TMEM178B: variants seen among roughly 807,000 people sequenced by gnomAD.
TMEM178B encodes the protein transmembrane protein 178B.
TMEM178B carries 5 observed loss-of-function variants against 31.0 expected under a neutral mutation model. The observed-to-expected ratio is 0.16, with a 90% CI of 0.08 to 0.34. The LOEUF (loss-of-function observed/expected upper bound fraction) is 0.34, where lower values mean the gene tolerates loss of function less well. Ranked by LOEUF, TMEM178B falls within the 10% of genes least tolerant of loss-of-function variation. The pLI, the probability that TMEM178B is intolerant of heterozygous loss-of-function variation, is 1.00. For missense variants in TMEM178B, 275 were observed against 400.3 expected (o/e 0.69, Z 2.67); for synonymous variants, 164 against 164.0 (o/e 1.00, Z 0.00).
At chr7:141,470,425 A>T in intron 3 of TMEM178B, 111 bp from the exon 4 acceptor site, 21 of 1,174,796 alleles carry the variant, frequency 1.8e-5, no homozygotes, top group Non-Finnish European at 2.3e-5. Flanking sequence ...CATTTTTCCT[A>T]CTCAAGAAAA....
intron 2 of TMEM178B, among the ~76,000 whole-genome samples, chr7:141,347,512 G>A (rs915580442): frequency 5.9e-5 from 9 of 152,058 alleles, no homozygotes; most frequent in Admixed American, 1.3e-4. Context: ...ATTGGCTGGC[G>A]TTTAGGAGCC....
chr7:141,320,323 G>A (rs905696442), intron 2 of TMEM178B, among the ~76,000 whole-genome samples: 3 of 152,062 alleles, frequency 2.0e-5, no homozygotes, highest in African/African-American at 7.2e-5. Flanking sequence ...TATATTAAGG[G>A]GCTCAGCACA....
chr7:141,100,445 A>C (rs1298546895), intron 1 of TMEM178B, among the ~76,000 whole-genome samples: 1 of 152,128 alleles, frequency 6.6e-6, no homozygotes, highest in Non-Finnish European at 1.5e-5. Flanking sequence ...TTCTATAACC[A>C]GCTTGGAGTA....
At chr7:141,245,541 AAGAAG>A (rs1797716523) in intron 2 of TMEM178B, among the ~76,000 whole-genome samples, 3 of 152,356 alleles carry the variant, frequency 2.0e-5, no homozygotes, top group Admixed American at 2.0e-4. Flanking sequence ...AGTTTACAGC[AAGAAG>A]AGAAATCACC....
chr7:141,312,944 A>G (rs1266097799), intron 2 of TMEM178B, among the ~76,000 whole-genome samples: 2 of 152,190 alleles, frequency 1.3e-5, no homozygotes, highest in African/African-American at 4.8e-5. Context: ...TAAATAACAG[A>G]TGTCCAAATT....
rs139310506 is a variant in TMEM178B at position 141,152,286 on chromosome 7, C to T, written c.383-60305C>T. Reference sequence around the variant, plus strand: ...GCAGCCGGGCTTTTCGGCCTCCAGCCCAGCGTGGGTTGCTCTCTGCAGGGA... The same window carrying T: ...GCAGCCGGGCTTTTCGGCCTCCAGCTCAGCGTGGGTTGCTCTCTGCAGGGA... On this transcript the variant is annotated intron_variant, in intron 1 of 3. Transcript: ENST00000565468. 1.9e-3 allele frequency among the ~76,000 whole-genome samples: 287 copies of T among 152,266 alleles called. 4 individuals are homozygous for T. The highest frequency in any genetic ancestry group is 6.5e-3 in the African/African-American group (271 of 41,554).
intron 2 of TMEM178B, among the ~76,000 whole-genome samples, chr7:141,227,705 A>T (rs1797368850): frequency 6.6e-6 from 1 of 152,036 alleles, no homozygotes. Context: ...TCTGGACTAG[A>T]CTCTCAGCAG....
At chr7:141,115,088 G>A (rs1795296613) in intron 1 of TMEM178B, among the ~76,000 whole-genome samples, 1 of 152,120 alleles carries the variant, frequency 6.6e-6, no homozygotes, top group Non-Finnish European at 1.5e-5. Context: ...TGTCACCCAG[G>A]CTGGAATGCA....
In TMEM178B at chr7:141,191,147, A is replaced by G. The variant is rs565083289; in HGVS notation, c.383-21444A>G. Among the ~76,000 whole-genome samples the G allele has an allele frequency of 4.6e-5, 7 of 152,232 alleles. No individual in the cohort carries two copies. The South Asian group carries it at 1.5e-3, about 32-fold the overall frequency. The stretch of plus-strand genomic sequence containing the variant: ...TTATCGTATATATTACACCTTGCTT[A>G]TTTTCATTTAGTTTATCTGGTAAGG... On this transcript the variant is annotated intron_variant, in intron 1 of 3. Transcript: ENST00000565468.
chr7:141,081,806 A>G (rs1281070783), intron 1 of TMEM178B, among the ~76,000 whole-genome samples: 2 of 152,222 alleles, frequency 1.3e-5, no homozygotes, highest in Non-Finnish European at 2.9e-5. Context: ...TATAAGGTCT[A>G]CAGTAGTGTA....
downstream of TMEM178B, among the ~76,000 whole-genome samples, chr7:141,484,328 G>A (rs918350180): frequency 6.6e-6 from 1 of 152,160 alleles, no homozygotes; most frequent in African/African-American, 2.4e-5. This position sits in a 1 kb window ranked among gnomAD's most constrained non-coding sequence, Gnocchi z 4.8. Flanking sequence ...TGATAGAAAT[G>A]TTCTAGAACC....
intron 2 of TMEM178B, among the ~76,000 whole-genome samples, chr7:141,348,830 G>GA (rs1228892111): frequency 6.6e-6 from 1 of 152,144 alleles, no homozygotes; most frequent in Admixed American, 6.5e-5. Flanking sequence ...CTAGGTTACA[G>GA]AAAAAATCAG....
At chr7:141,379,424 G>A (rs77813291) in intron 2 of TMEM178B, among the ~76,000 whole-genome samples, 8 of 152,140 alleles carry the variant, frequency 5.3e-5, no homozygotes, top group African/African-American at 1.2e-4. Context: ...GGCCGAAGCC[G>A]CAGTGAGCCA....
At chr7:141,435,114 C>T (rs1801509710) in intron 2 of TMEM178B, among the ~76,000 whole-genome samples, 3 of 151,828 alleles carry the variant, frequency 2.0e-5, no homozygotes. Flanking sequence ...ACAAAGGCAG[C>T]AACATACACT....
chr7:141,380,665 G>A lies in TMEM178B; in HGVS notation c.497-56943G>A, dbSNP rs28547288. Among the ~76,000 whole-genome samples, 26 of 152,224 alleles carry A rather than the reference G, an allele frequency of 1.7e-4. No homozygotes were observed. In the East Asian group the frequency reaches 4.8e-3, roughly 28 times the overall value. Reference sequence around the variant, plus strand: ...TGTTGTTATTTATATGTGTGTATGTGTTTGTTTTGGGGAGTATTCTGTGCC... The same window carrying A: ...TGTTGTTATTTATATGTGTGTATGTATTTGTTTTGGGGAGTATTCTGTGCC... On this transcript the variant is annotated intron_variant, in intron 2 of 3. Coordinates refer to ENST00000565468, the MANE Select transcript of TMEM178B (RefSeq NM_001195278.2).
intron 1 of TMEM178B, among the ~76,000 whole-genome samples, chr7:141,127,167 C>T (rs1795512173): frequency 6.6e-6 from 1 of 152,094 alleles, no homozygotes. Context: ...TTCTCTTAGC[C>T]CCTTTCTCCT....
rs115635793 is a variant in TMEM178B, at chr7:141,119,091, G to T, written c.382+44399G>T. ...GGACTGGAAGGGGCATGGGAGAAAG[G>T]AAGCCTGCAGAGGCTGAGCCGTTGA... On this transcript the variant is annotated intron_variant, in intron 1 of 3. Transcript: ENST00000565468. Among the ~76,000 whole-genome samples, 436 of 152,266 alleles carry T rather than the reference G, an allele frequency of 2.9e-3. 5 individuals carry two copies. The highest frequency in any genetic ancestry group is 9.8e-3 in the African/African-American group (409 of 41,554).
chr7:141,461,241 C>T lies in TMEM178B; in HGVS notation c.635-9295C>T, dbSNP rs1466870239. Among the ~76,000 whole-genome samples the T allele has an allele frequency of 6.6e-6, 1 of 152,190 alleles. No homozygotes were observed. The highest frequency in any genetic ancestry group is 1.5e-5 in the Non-Finnish European group (1 of 68,038). On this transcript the variant is annotated intron_variant, in intron 3 of 3. Transcript: ENST00000565468. The surrounding 1 kb of genome is among the most constrained non-coding windows in gnomAD (Gnocchi z 4.0). ...CTCTGACCTCCCTGATACACAGCCACGTGGGTGTTTCTGCAGAGCCTGCCT... is the reference window on the plus strand; with the variant it reads ...CTCTGACCTCCCTGATACACAGCCATGTGGGTGTTTCTGCAGAGCCTGCCT...
chr7:141,430,528 G>T (rs1801405468), intron 2 of TMEM178B, among the ~76,000 whole-genome samples: 1 of 152,134 alleles, frequency 6.6e-6, no homozygotes, highest in African/African-American at 2.4e-5. Flanking sequence ...GGACTAATTG[G>T]CTTGAGTTCC....
Sources: allele counts gnomAD v4.1 joint callset (sites outside exome capture counted in the v4.1 genomes callset), GRCh38; gene constraint gnomAD v4.1.1; non-coding constraint Gnocchi (gnomAD v3.1); transcripts MANE v1.5; gene names NCBI Gene and HGNC (gene_info 2026-07-23, HGNC 2026-07-21).